DCDC1: variants seen among roughly 807,000 people sequenced by gnomAD.
DCDC1 encodes doublecortin domain-containing protein 1.
Under a neutral mutation model 178.3 loss-of-function variants are expected in DCDC1, and 200 were observed. That is an observed-to-expected ratio of 1.12 (90% CI 1.00 to 1.26). The LOEUF (loss-of-function observed/expected upper bound fraction) is 1.26. DCDC1 is among the 50% of genes most tolerant of loss of function. The pLI is 0.00. For synonymous variants in DCDC1, 690 were observed against 604.8 expected, an observed-to-expected ratio of 1.14 and a Z score of -2.07; for missense variants, 1,983 against 1,749.2, an observed-to-expected ratio of 1.13 and a Z score of -2.38.
chr11:30,944,976 T>TA (rs1313242731), intron 21 of DCDC1, among the ~76,000 whole-genome samples: 3 of 139,484 alleles, frequency 2.2e-5, no homozygotes, highest in African/African-American at 8.1e-5. Flanking sequence ...TTTTTTTTTT[T>TA]TTTTTTTTTT....
intron 35 of DCDC1, among the ~76,000 whole-genome samples, 183 bp from the exon 36 acceptor site, chr11:30,893,180 A>G (rs922889962): frequency 1.3e-5 from 2 of 152,208 alleles, no homozygotes; most frequent in East Asian, 1.9e-4. Flanking sequence ...CCTTGCTTCA[A>G]TGAAATGCTA....
intron 9 of DCDC1, among the ~76,000 whole-genome samples, chr11:31,228,904 G>A (rs1445299376): frequency 6.6e-6 from 1 of 151,940 alleles, no homozygotes; most frequent in Middle Eastern, 3.2e-3. Flanking sequence ...ATACTGGAAG[G>A]GGGAAAGAGA....
chr11:31,329,680 C>A (rs535857623), intron 2 of DCDC1, among the ~76,000 whole-genome samples: 1 of 152,206 alleles, frequency 6.6e-6, no homozygotes, highest in South Asian at 2.1e-4. Flanking sequence ...ATAGTTTGCT[C>A]AGAATGATGC....
chr11:31,344,449 G>T (rs1950712382), intron 1 of DCDC1, among the ~76,000 whole-genome samples: 1 of 152,136 alleles, frequency 6.6e-6, no homozygotes, highest in South Asian at 2.1e-4. Context: ...GTTGAGTCTG[G>T]ACTCTGGAGC....
At chr11:31,275,979 T>C (rs1250053034) in intron 7 of DCDC1, among the ~76,000 whole-genome samples, 1 of 152,200 alleles carries the variant, frequency 6.6e-6, no homozygotes, top group Non-Finnish European at 1.5e-5. Context: ...TGTGCAGCCA[T>C]CTTGTTACCA....
At chr11:30,973,181 AGAATCACTT>A (rs1949908304) in intron 20 of DCDC1, among the ~76,000 whole-genome samples, 1 of 151,430 alleles carries the variant, frequency 6.6e-6, no homozygotes, top group Non-Finnish European at 1.5e-5. Context: ...CTGAGGCAGG[AGAATCACTT>A]GAACCGGGGA....
At chr11:31,331,526 A>T (rs187563173) in intron 2 of DCDC1, among the ~76,000 whole-genome samples, 3,108 of 152,238 alleles carry the variant, frequency 0.02, 95 homozygotes, top group African/African-American at 0.07. Context: ...GTTTGTCATA[A>T]ATAGCTCTTA....
At chr11:31,085,058 G>GC (rs756098171) in intron 17 of DCDC1, among the ~76,000 whole-genome samples, 77 of 151,666 alleles carry the variant, frequency 5.1e-4, no homozygotes, top group Non-Finnish European at 9.0e-4. Context: ...TTTGACCTAG[G>GC]CCATTGATGA....
rs1962392982 is a variant in DCDC1, at chr11:31,131,203, A to AG, written c.1315-3565dup. On this transcript the variant is annotated intron_variant, in intron 10 of 38. Coordinates refer to ENST00000684477, the MANE Select transcript of DCDC1 (RefSeq NM_001387274.1). ...GACTCCGTCTCAAAAAAAAAAAAAA[A>AG]GAAAACAAAATTAATGAAAAGAAAA... is the stretch of plus-strand genomic sequence containing the variant. Among the ~76,000 whole-genome samples, 2 of 151,276 alleles carry AG rather than the reference A, an allele frequency of 1.3e-5. 1 individual carries two copies. The highest frequency in any genetic ancestry group is 4.9e-5 in the African/African-American group (2 of 41,010).
At chr11:31,146,399 T>C (rs1273842502) in intron 9 of DCDC1, among the ~76,000 whole-genome samples, 2 of 152,116 alleles carry the variant, frequency 1.3e-5, no homozygotes, top group Admixed American at 1.3e-4. Context: ...GTCATTTAAA[T>C]AGTTATTTTA....
chr11:31,207,961 T>C (rs1460122052), intron 9 of DCDC1, among the ~76,000 whole-genome samples: 7 of 152,158 alleles, frequency 4.6e-5, no homozygotes, highest in African/African-American at 9.7e-5. Flanking sequence ...TATTTTCTTC[T>C]CTGAGTTTTG....
chr11:31,196,314 T>C (rs1195141390), intron 9 of DCDC1, among the ~76,000 whole-genome samples: 1 of 151,956 alleles, frequency 6.6e-6, no homozygotes, highest in Admixed American at 6.6e-5. Context: ...ACCAACTGGG[T>C]GTCCTACAAT....
At chr11:31,000,712 T>G (rs567850354) in intron 20 of DCDC1, among the ~76,000 whole-genome samples, 1 of 152,138 alleles carries the variant, frequency 6.6e-6, no homozygotes, top group Non-Finnish European at 1.5e-5. Context: ...TGCATTGTTT[T>G]TTTTCTAATA....
In DCDC1 at chr11:31,233,688, T is replaced by C. The variant is rs549712035; in HGVS notation, c.1221+7762A>G. ...TATGTGTTTTGTTTTGTTTTCAAAA[T>C]ATTTGCTTTGTTTTGCTTTATGAGG... On this transcript the variant is annotated intron_variant, in intron 9 of 38. Coordinates refer to ENST00000684477, the MANE Select transcript of DCDC1 (RefSeq NM_001387274.1). Among the ~76,000 whole-genome samples the C allele has an allele frequency of 8.1e-4, 123 of 151,332 alleles. 1 individual carries two copies. The highest frequency in any genetic ancestry group is 1.4e-3 in the Non-Finnish European group (97 of 68,000).
Position 31,368,245 on chromosome 11 carries a change from A to T in DCDC1, c.-125+1452T>A, listed in dbSNP as rs543707757. 1.1e-4 allele frequency among the ~76,000 whole-genome samples: 17 copies of T among 152,324 alleles called. 1 individual carries two copies. In the South Asian group the frequency reaches 3.5e-3, roughly 32 times the overall value. On this transcript the variant is annotated intron_variant, in intron 1 of 38. Coordinates refer to ENST00000684477, the MANE Select transcript of DCDC1 (RefSeq NM_001387274.1). ...ATTTCTTACTTTCCAAACCCCAATA[A>T]ATAAATAAGGTAACACAATAACCTA...
At chr11:31,023,534 G>A (rs1221489485) in intron 20 of DCDC1, among the ~76,000 whole-genome samples, 1 of 151,846 alleles carries the variant, frequency 6.6e-6, no homozygotes, top group African/African-American at 2.4e-5. Context: ...AGAAAGAGAA[G>A]ATCCAAAGAG....
chr11:30,923,620 A>AATT (rs1017247668), intron 23 of DCDC1, among the ~76,000 whole-genome samples: 1 of 144,694 alleles, frequency 6.9e-6, no homozygotes. Flanking sequence ...TAATAATAAT[A>AATT]ATTATTATTA....
intron 20 of DCDC1, among the ~76,000 whole-genome samples, chr11:30,956,179 G>C (rs1484883836): frequency 6.6e-6 from 1 of 152,116 alleles, no homozygotes; most frequent in Non-Finnish European, 1.5e-5. Context: ...GGAGTCTAAA[G>C]CCAAAGTATA....
intron 20 of DCDC1, among the ~76,000 whole-genome samples, chr11:30,960,307 T>A (rs1312452771): frequency 3.9e-5 from 6 of 152,160 alleles, no homozygotes; most frequent in African/African-American, 1.4e-4. Context: ...CCCATCAGGG[T>A]GTCTTTAAAA....
Sources: allele counts gnomAD v4.1 joint callset (sites outside exome capture counted in the v4.1 genomes callset), GRCh38; gene constraint gnomAD v4.1.1; transcripts MANE v1.5; gene names NCBI Gene and HGNC (gene_info 2026-07-23, HGNC 2026-07-21).